The following CD55 variants were observed in gnomAD, a reference collection of about 807,000 sequenced individuals.
The protein encoded by CD55 is CD55 molecule (Cromer blood group).
In CD55, 41 loss-of-function variants were observed where a neutral mutation model predicts 45.8. That is an observed-to-expected ratio of 0.90 (90% CI 0.70 to 1.16). The LOEUF is 1.16. CD55 is among the 50% of genes most tolerant of loss of function. CD55 has a pLI of 0.00. For missense variants in CD55, 416 were observed against 469.8 expected (o/e 0.89, Z 1.06); for synonymous variants, 181 against 181.1 (o/e 1.00, Z 0.01).
intron 5 of CD55, among the ~76,000 whole-genome samples, chr1:207,327,202 C>G (rs1309630509): frequency 1.3e-5 from 2 of 152,134 alleles, no homozygotes; most frequent in Non-Finnish European, 1.5e-5. Flanking sequence ...ATCAGAGGGT[C>G]TGTAAGACTT....
At chr1:207,346,439 G>A (rs1311610444) in intron 9 of CD55, among the ~76,000 whole-genome samples, 3 of 152,188 alleles carry the variant, frequency 2.0e-5, no homozygotes, top group Non-Finnish European at 1.5e-5. Context: ...AAGAGGTAGA[G>A]TATTCCTAGG....
chr1:207,336,838 T>C lies in CD55; in HGVS notation c.979+20T>C. On this transcript the variant is annotated intron_variant, in intron 7 of 9. Transcript: ENST00000367064. ...CTCAAGGTACAGAGACTCCATCAGT[T>C]CTTCAAAAACACACCACAGAAAATG... is the stretch of plus-strand genomic sequence containing the variant. The C allele has an allele frequency of 7.4e-6, 12 of 1,613,000 alleles. No homozygotes were observed. Among genetic ancestry groups the C allele is most frequent in the Non-Finnish European group, 1.0e-5 (12 of 1,179,552 alleles).
At chr1:207,357,925 A>G (rs1442267764) in intron 9 of CD55, among the ~76,000 whole-genome samples, 1 of 152,190 alleles carries the variant, frequency 6.6e-6, no homozygotes, top group Non-Finnish European at 1.5e-5. Context: ...ATCAATTAGA[A>G]CAATTTATTG....
At chr1:207,357,332 TCA>T (rs962749240) in intron 9 of CD55, among the ~76,000 whole-genome samples, 2 of 152,080 alleles carry the variant, frequency 1.3e-5, no homozygotes, top group African/African-American at 4.8e-5. Context: ...TAGCAAAAAC[TCA>T]CAGTTAGTAC....
chr1:207,346,159 C>T (rs1387834000), intron 9 of CD55, among the ~76,000 whole-genome samples: 2 of 152,236 alleles, frequency 1.3e-5, no homozygotes, highest in Non-Finnish European at 2.9e-5. Flanking sequence ...CTGTGGGACA[C>T]AAGCAGTCTG....
intron 9 of CD55, among the ~76,000 whole-genome samples, chr1:207,341,987 T>C (rs1269388763): frequency 6.6e-6 from 1 of 152,136 alleles, no homozygotes; most frequent in Non-Finnish European, 1.5e-5. Context: ...CTAGGTATTT[T>C]ATTTATTTTT....
chr1:207,355,568 G>A (rs1656045827), intron 9 of CD55, among the ~76,000 whole-genome samples: 2 of 152,092 alleles, frequency 1.3e-5, no homozygotes, highest in African/African-American at 4.8e-5. Context: ...ACACTAAAAA[G>A]CATATTCTGT....
At chr1:207,335,969 T>TA (rs1433795747) in intron 6 of CD55, among the ~76,000 whole-genome samples, 3 of 152,192 alleles carry the variant, frequency 2.0e-5, no homozygotes, top group African/African-American at 7.2e-5. Context: ...AGCTCACTAA[T>TA]ACGTGGTGAA....
Position 207,324,766 on chromosome 1 carries a change from T to C in CD55, c.478+16T>C. On this transcript the variant is annotated intron_variant, in intron 3 of 9. Transcript: ENST00000367064. ...TTTTGTAAAAGTGAGTAAAATTTTT[T>C]AAAGTATTTTCAACCATCTGGTGTT... 6.4e-7 allele frequency: 1 copy of C among 1,558,516 alleles called. No homozygotes were observed. Among genetic ancestry groups the C allele is most frequent in the Non-Finnish European group, 8.8e-7 (1 of 1,135,972 alleles).
At chr1:207,337,559 G>A (rs1416990562) in intron 8 of CD55, 150 bp downstream of exon 8, 1 of 544,908 alleles carries the variant, frequency 1.8e-6, no homozygotes, top group Non-Finnish European at 3.3e-6. Flanking sequence ...TTTGGAAGCG[G>A]ACTTGGATTG....
intron 2 of CD55, among the ~76,000 whole-genome samples, chr1:207,323,631 C>T (rs949630560): frequency 3.9e-5 from 6 of 152,116 alleles, no homozygotes; most frequent in African/African-American, 1.4e-4. Flanking sequence ...TGACTTTGAA[C>T]AACTTAAATC....
chr1:207,325,719 A>G lies in CD55; in HGVS notation c.576A>G (p.Thr192=), dbSNP rs915878687. The change falls in exon 4 of 10, where the codon ACA becomes ACG. Residue 192 remains threonine, a splice_region_variant and synonymous_variant. Coordinates refer to ENST00000367064, the MANE Select transcript of CD55 (RefSeq NM_000574.5). ...CAACCATCTCCTTCTCATGTAACACAGGGTAAGTTTGGGCATACTAAAACC... is the reference window on the plus strand; with the variant it reads ...CAACCATCTCCTTCTCATGTAACACGGGGTAAGTTTGGGCATACTAAAACC... ...FGATISFSCN[T]GYKLFGSTSS... is the part of the protein sequence containing the mutation. The G allele has an allele frequency of 1.9e-6, 3 of 1,587,878 alleles. No individual in the cohort carries two copies. Among genetic ancestry groups the G allele is most frequent in the Admixed American group, 3.4e-5 (2 of 59,532 alleles).
In CD55 at chr1:207,353,942, A is replaced by G. The variant is rs906001430; in HGVS notation, c.1082-5604A>G. The G allele has an allele frequency of 2.8e-5, 41 of 1,471,558 alleles. No homozygotes were observed. In the African/African-American group the frequency reaches 5.4e-4, roughly 19 times the overall value. 91.2% of individuals were successfully genotyped at this position (1,471,558 alleles called of 1,614,324 possible). ...CTGTTACATTAAGTATGATATAAGCAAGAACAAAACCTTTCCATAACTTTT... is the reference window on the plus strand; with the variant it reads ...CTGTTACATTAAGTATGATATAAGCGAGAACAAAACCTTTCCATAACTTTT... On this transcript the variant is annotated intron_variant, in intron 9 of 9. Coordinates refer to ENST00000367064, the MANE Select transcript of CD55 (RefSeq NM_000574.5).
chr1:207,323,137 A>G (rs1293654834), intron 2 of CD55, among the ~76,000 whole-genome samples: 1 of 151,586 alleles, frequency 6.6e-6, no homozygotes, highest in Non-Finnish European at 1.5e-5. Context: ...TTGAAAAAAT[A>G]TATGTATATA....
chr1:207,351,091 T>C (rs889917632), intron 9 of CD55, among the ~76,000 whole-genome samples: 1 of 152,234 alleles, frequency 6.6e-6, no homozygotes, highest in Non-Finnish European at 1.5e-5. Context: ...GATTTCTGCC[T>C]TAATTTTCAG....
At chr1:207,350,364 A>T (rs1460311984) in intron 9 of CD55, among the ~76,000 whole-genome samples, 1 of 152,028 alleles carries the variant, frequency 6.6e-6, no homozygotes, top group Non-Finnish European at 1.5e-5. Context: ...TATCAGTGTG[A>T]TGCTGGCCTT....
intron 9 of CD55, among the ~76,000 whole-genome samples, chr1:207,341,646 T>C (rs1655430573): frequency 6.6e-6 from 1 of 152,222 alleles, no homozygotes; most frequent in East Asian, 1.9e-4. Context: ...ATGCTGTTTT[T>C]GGTTACTATA....
intron 9 of CD55, chr1:207,358,477 TAATTC>T (rs1251157357): frequency 1.3e-5 from 2 of 152,222 alleles, no homozygotes; most frequent in African/African-American, 2.4e-5. Flanking sequence ...GACAGTTACA[TAATTC>T]AATTCAATAG....
intron 9 of CD55, among the ~76,000 whole-genome samples, chr1:207,353,782 G>A (rs954623224): frequency 6.6e-6 from 1 of 152,194 alleles, no homozygotes; most frequent in African/African-American, 2.4e-5. Flanking sequence ...TCCTGTGGAT[G>A]TCTCTCTGAG....
Sources: gnomAD v4.1 joint callset for allele counts (sites outside exome capture counted in the v4.1 genomes callset) on GRCh38, gnomAD v4.1.1 for gene constraint, MANE v1.5 for transcripts, NCBI Gene and HGNC (gene_info 2026-07-23, HGNC 2026-07-21) for gene names.